Variants in PXN observed in about 807,000 individuals in gnomAD.
The protein encoded by PXN is testicular tissue protein Li 134.
Under a neutral mutation model 103.6 loss-of-function variants are expected in PXN, and 61 were observed. The ratio of observed to expected loss-of-function variants is 0.59; its 90% confidence interval spans 0.48 to 0.73. The LOEUF is 0.73. Among genes scored for constraint, PXN ranks in the 30% least tolerant of loss-of-function variants. The probability of loss-of-function intolerance (pLI) is 0.00; values close to 1 mark genes in which losing one functional copy is unlikely to be tolerated. For synonymous variants in PXN, 562 were observed against 607.8 expected, an observed-to-expected ratio of 0.92 and a Z score of 1.11; for missense variants, 1,274 against 1,460.3, an observed-to-expected ratio of 0.87 and a Z score of 2.08.
intron 1 of PXN, among the ~76,000 whole-genome samples, chr12:120,231,184 G>A (rs1212486496): frequency 6.6e-6 from 1 of 152,280 alleles, no homozygotes; most frequent in East Asian, 1.9e-4. Context: ...TCAAGAAAAT[G>A]GGCAGAACCC....
intron 1 of PXN, chr12:120,226,840 T>G (rs1886977998): frequency 4.0e-6 from 4 of 1,011,782 alleles, no homozygotes; most frequent in African/African-American, 3.5e-5. Flanking sequence ...AACTCTGACC[T>G]CAAAGTACTG....
chr12:120,246,854 T>TA (rs869044889), intron 1 of PXN, among the ~76,000 whole-genome samples: 6,739 of 128,666 alleles, frequency 0.052, 202 homozygotes, highest in Non-Finnish European at 0.075. Flanking sequence ...GAATCTGTCT[T>TA]AAAAAAAAAA....
chr12:120,235,788 C>T (rs1357471832), intron 1 of PXN, among the ~76,000 whole-genome samples: 1 of 152,216 alleles, frequency 6.6e-6, no homozygotes, highest in African/African-American at 2.4e-5. Flanking sequence ...TCTGGTCTAA[C>T]TTGTTGATGT....
chr12:120,216,097 G>C lies in PXN; in HGVS notation c.2301+176C>G, dbSNP rs184939193. The C allele has an allele frequency of 9.3e-6, 12 of 1,294,072 alleles. 2 individuals carry two copies. In the South Asian group the frequency reaches 1.7e-4, roughly 18 times the overall value. The allele number at this position is 1,294,072 out of a possible 1,614,324, so 80.2% of individuals were successfully genotyped here. ...CAAGAGGGCAGCGGACCTTCTGAGT[G>C]GGGGAAGACCGGGGTCAAGGTTTAC... On this transcript the variant is annotated intron_variant, in intron 9 of 14. Coordinates refer to ENST00000637617, the MANE Select transcript of PXN (RefSeq NM_001385981.1). The surrounding 1 kb of genome is among the most constrained non-coding windows in gnomAD (Gnocchi z 5.1).
At position 120,237,145 on chromosome 12, in the gene PXN, G is replaced by GTA. The variant is rs1555319255; in HGVS notation, c.14-12770_14-12769dup. Among the ~76,000 whole-genome samples the GTA allele has an allele frequency of 4.6e-3, 562 of 121,526 alleles. 3 individuals are homozygous for GTA. Among genetic ancestry groups the GTA allele is most frequent in the South Asian group, 0.026 (97 of 3,774 alleles). The allele number at this position is 121,526 out of a possible 152,430, so 79.7% of individuals were successfully genotyped here. On this transcript the variant is annotated intron_variant, in intron 1 of 14. Transcript: ENST00000637617. ...TATGTACGTGTGTGTGTGTGTGTGT[G>GTA]TATACACACACACACACACACACAC...
Position 120,212,292 on chromosome 12 carries a change from G to A in PXN, c.*22C>T, listed in dbSNP as rs769212427. On this transcript the variant is annotated 3_prime_UTR_variant, in exon 15 of 15. Transcript: ENST00000637617. This position sits in a 1 kb window ranked among gnomAD's most constrained non-coding sequence, Gnocchi z 7.2. ...TTGGGGATGCTGGCTGGGGAAGGGG[G>A]GCAGAGACAGGGGCAGGGCACCTAG... 1.2e-6 allele frequency: 2 copies of A among 1,604,230 alleles called. No individual in the cohort carries two copies. Among genetic ancestry groups the A allele is most frequent in the South Asian group, 1.1e-5 (1 of 90,672 alleles).
rs529042053 is a variant in PXN, at chr12:120,212,759, T to C, written c.2980-179A>G. ...TCATTTTTATTTTATTAAATAAATT[T>C]TTTTTGTAGAGATGGGGGTCTCACT... On this transcript the variant is annotated intron_variant, in intron 14 of 14. Transcript: ENST00000637617. The surrounding 1 kb of genome is among the most constrained non-coding windows in gnomAD (Gnocchi z 7.2). The C allele has an allele frequency of 2.9e-6, 2 of 679,268 alleles. No individual in the cohort carries two copies. The highest frequency in any genetic ancestry group is 4.5e-6 in the Non-Finnish European group (2 of 441,762). 42.1% of individuals were successfully genotyped at this position (679,268 alleles called of 1,614,324 possible).
At chr12:120,234,012 C>T (rs1888560793) in intron 1 of PXN, among the ~76,000 whole-genome samples, 1 of 152,148 alleles carries the variant, frequency 6.6e-6, no homozygotes, top group African/African-American at 2.4e-5. Context: ...ATCAAATGTA[C>T]TCAGGGGCAA....
chr12:120,254,675 C>T (rs1206153651), intron 1 of PXN, among the ~76,000 whole-genome samples: 1 of 152,034 alleles, frequency 6.6e-6, no homozygotes, highest in Non-Finnish European at 1.5e-5. Context: ...CTCAGCCTCC[C>T]AAATAGCTGG....
rs745901120 is a variant in PXN at position 120,217,113 on chromosome 12, G to T, written c.1720C>A (p.Arg574=). Residue 574 remains arginine, a synonymous_variant, in exon 8 of 15, where the codon CGA becomes AGA. Transcript: ENST00000637617. This position sits in a 1 kb window ranked among gnomAD's most constrained non-coding sequence, Gnocchi z 4.1. ...TERISTSGQI[R]SVIRRSWESG... Reference sequence around the variant, plus strand: ...TCCCAGCTCCTCCTGATCACAGATCGGATCTAGGGGGAGGGGGAGGGGAGG... The same window carrying T: ...TCCCAGCTCCTCCTGATCACAGATCTGATCTAGGGGGAGGGGGAGGGGAGG... The T allele has an allele frequency of 1.9e-6, 3 of 1,581,232 alleles. No homozygotes were observed. Among genetic ancestry groups the T allele is most frequent in the Non-Finnish European group, 2.6e-6 (3 of 1,172,080 alleles).
At chr12:120,226,788 G>A (rs761459252) in intron 1 of PXN, 194 of 1,030,176 alleles carry the variant, frequency 1.9e-4, no homozygotes, top group Non-Finnish European at 2.2e-4. Context: ...AGGGCAAATC[G>A]CTTAGCTTCT....
intron 1 of PXN, among the ~76,000 whole-genome samples, chr12:120,264,467 C>A (rs1180270865): frequency 6.6e-6 from 1 of 152,106 alleles, no homozygotes; most frequent in East Asian, 1.9e-4. Context: ...GGAGAGACAG[C>A]GAATCCTCCC....
chr12:120,236,752 G>A (rs545230325), intron 1 of PXN, among the ~76,000 whole-genome samples: 2 of 152,148 alleles, frequency 1.3e-5, no homozygotes, highest in Non-Finnish European at 2.9e-5. Flanking sequence ...TGGCATTACA[G>A]GTGTGAGCCA....
chr12:120,264,961 G>C (rs1378347792), intron 1 of PXN, among the ~76,000 whole-genome samples: 1 of 152,092 alleles, frequency 6.6e-6, no homozygotes, highest in Admixed American at 6.5e-5. Flanking sequence ...TTTGAAGTGG[G>C]GGGTCAGAAG....
At position 120,225,979 on chromosome 12, in the gene PXN, G is replaced by C. The variant is rs1330353711; in HGVS notation, c.14-1602C>G. The C allele has an allele frequency of 9.9e-6, 9 of 913,270 alleles. No homozygotes were observed. The highest frequency in any genetic ancestry group is 1.8e-5 in the African/African-American group (1 of 56,676). The allele number at this position is 913,270 out of a possible 1,614,324, so 56.6% of individuals were successfully genotyped here. ...CCCAGGACCCCGGGTCTGGTCGCCT[G>C]ACCTCCAAGGAAGTTCAGGTCCTAC... On this transcript the variant is annotated intron_variant, in intron 1 of 14. Coordinates refer to ENST00000637617, the MANE Select transcript of PXN (RefSeq NM_001385981.1). This position sits in a 1 kb window ranked among gnomAD's most constrained non-coding sequence, Gnocchi z 4.4.
Position 120,214,189 on chromosome 12 carries a change from C to T in PXN, c.2777G>A (p.Trp926Ter), listed in dbSNP as rs1464744422. The T allele has an allele frequency of 6.4e-7, 1 of 1,552,016 alleles. No homozygotes were observed. Residue 926 changes from tryptophan (W) to a stop codon, truncating the protein, a stop_gained, in exon 13 of 15, where the codon TGG becomes TAG. Transcript: ENST00000637617. LOFTEE classifies it high-confidence loss of function. The surrounding 1 kb of genome is among the most constrained non-coding windows in gnomAD (Gnocchi z 5.0). ...DKVVTALDRT[W>*]HPEHFFCAQC... ...TGCACAGAAGAAGTGTTCAGGGTGC[C>T]ACGTCCGGTCAAGGGCTGTCACCAC...
At chr12:120,256,708 GT>G (rs112444122) in intron 1 of PXN, among the ~76,000 whole-genome samples, 3 of 151,220 alleles carry the variant, frequency 2.0e-5, no homozygotes, top group Non-Finnish European at 4.4e-5. Flanking sequence ...TTTCAATAGG[GT>G]TTTTTTTTGT....
At chr12:120,246,514 CAAAAAA>C (rs139689226) in intron 1 of PXN, among the ~76,000 whole-genome samples, 3 of 58,342 alleles carry the variant, frequency 5.1e-5, no homozygotes, top group African/African-American at 1.2e-4. Flanking sequence ...GACTCTGTCT[CAAAAAA>C]AAAAAAAAAA....
rs1324154290 is a variant in PXN at position 120,212,705 on chromosome 12, T to A, written c.2980-125A>T. The A allele has an allele frequency of 8.8e-7, 1 of 1,141,756 alleles. No individual in the cohort carries two copies. The highest frequency in any genetic ancestry group is 1.2e-6 in the Non-Finnish European group (1 of 809,690). The allele number at this position is 1,141,756 out of a possible 1,614,324, so 70.7% of individuals were successfully genotyped here. A position where few individuals can be genotyped will look rare whatever the true frequency, so the allele number is the denominator to read the frequency against. On this transcript the variant is annotated intron_variant, in intron 14 of 14. Transcript: ENST00000637617. This position sits in a 1 kb window ranked among gnomAD's most constrained non-coding sequence, Gnocchi z 7.2. ...ACTCCTACTTGCTAGGCGTTTCCCA[T>A]GTGCCGTGTTGTCCTAAACGCTCAT...
Sources: gnomAD v4.1 joint callset for allele counts (sites outside exome capture counted in the v4.1 genomes callset) on GRCh38, gnomAD v4.1.1 for gene constraint, Gnocchi (gnomAD v3.1) non-coding constraint, MANE v1.5 for transcripts, NCBI Gene and HGNC (gene_info 2026-07-23, HGNC 2026-07-21) for gene names.